The following MGMT variants were observed in gnomAD, a reference collection of about 807,000 sequenced individuals.
MGMT encodes methylated-DNA--protein-cysteine methyltransferase.
A neutral mutation model predicts 15.9 loss-of-function variants in MGMT; 14 were observed. That is an observed-to-expected ratio of 0.88 (90% CI 0.58 to 1.37). MGMT has a LOEUF of 1.37. MGMT is among the 40% of genes most tolerant of loss of function. The pLI is 0.00. For synonymous variants in MGMT, 130 were observed against 118.2 expected (o/e 1.10, Z -0.65); for missense variants, 282 against 268.1 (o/e 1.05, Z -0.36).
chr10:129,716,521 C>T (rs942752140), intron 3 of MGMT, among the ~76,000 whole-genome samples: 19 of 152,204 alleles, frequency 1.2e-4, no homozygotes, highest in African/African-American at 3.9e-4. Flanking sequence ...TCAGCCTTTC[C>T]TCACTTAGAT....
intron 2 of MGMT, among the ~76,000 whole-genome samples, chr10:129,650,704 C>T (rs147589873): frequency 4.8e-4 from 73 of 152,220 alleles, no homozygotes; most frequent in African/African-American, 1.8e-3. Context: ...TTGGTGTGGC[C>T]GTCTCCAAGT....
chr10:129,580,005 A>T (rs1846533339), intron 2 of MGMT, among the ~76,000 whole-genome samples: 1 of 152,194 alleles, frequency 6.6e-6, no homozygotes, highest in African/African-American at 2.4e-5. Context: ...TGGTACTGTC[A>T]GGTGCTTATT....
At chr10:129,474,119 G>A (rs1445769630) in intron 1 of MGMT, among the ~76,000 whole-genome samples, 2 of 152,214 alleles carry the variant, frequency 1.3e-5, no homozygotes, top group Non-Finnish European at 2.9e-5. Context: ...TTGAATTTGA[G>A]CAGGGTGTGG....
chr10:129,649,295 G>C (rs904397491), intron 2 of MGMT, among the ~76,000 whole-genome samples: 1 of 152,080 alleles, frequency 6.6e-6, no homozygotes, highest in Non-Finnish European at 1.5e-5. Context: ...GGCTTTAGCT[G>C]GACCACTTTT....
chr10:129,588,997 G>A (rs557731092), intron 2 of MGMT, among the ~76,000 whole-genome samples: 7 of 152,328 alleles, frequency 4.6e-5, no homozygotes, highest in Admixed American at 2.6e-4. Flanking sequence ...TTAGACCCTG[G>A]TGGTCTGGAT....
intron 2 of MGMT, among the ~76,000 whole-genome samples, chr10:129,605,841 C>G (rs1846883210): frequency 6.6e-6 from 1 of 151,994 alleles, no homozygotes; most frequent in African/African-American, 2.4e-5. Flanking sequence ...CCAAAAACAC[C>G]CGTTGTGCTG....
At position 129,767,310 on chromosome 10, in the gene MGMT, C is replaced by T. The variant is rs551157332; in HGVS notation, c.*313C>T. The stretch of plus-strand genomic sequence containing the variant: ...CAGTCTGGCACCCTCAGGCCACAGA[C>T]GGCTGCCATAGCCGCTGTCCAGGGC... On this transcript the variant is annotated 3_prime_UTR_variant, in exon 5 of 5. Transcript: ENST00000651593. The T allele has an allele frequency of 2.9e-4, 65 of 223,872 alleles. No homozygotes were observed. Among genetic ancestry groups the T allele is most frequent in the African/African-American group, 1.4e-3 (60 of 43,718 alleles). The allele number at this position is 223,872 out of a possible 1,614,324, so 13.9% of individuals were successfully genotyped here.
intron 2 of MGMT, among the ~76,000 whole-genome samples, chr10:129,614,301 C>T (rs984448197): frequency 6.6e-6 from 1 of 152,176 alleles, no homozygotes; most frequent in Non-Finnish European, 1.5e-5. Context: ...AGCCTATTTT[C>T]TTAGAGCAAA....
At chr10:129,553,753 G>C (rs1236178926) in intron 2 of MGMT, among the ~76,000 whole-genome samples, 1 of 152,178 alleles carries the variant, frequency 6.6e-6, no homozygotes, top group African/African-American at 2.4e-5. Context: ...TGGAGCATCA[G>C]GGTCACTTTC....
intron 2 of MGMT, among the ~76,000 whole-genome samples, chr10:129,550,784 C>T (rs1409599016): frequency 6.6e-6 from 1 of 152,174 alleles, no homozygotes; most frequent in East Asian, 1.9e-4. Flanking sequence ...AACTGAAACC[C>T]GTACCCATTA....
In MGMT at chr10:129,560,541, A is replaced by G. The variant is rs557029687; in HGVS notation, c.125+24164A>G. ...TTGACCCTGTTCTGCAAAACAAACC[A>G]TGGCCTACTTTCAGACTCTCCTTCG... is the stretch of plus-strand genomic sequence containing the variant. On this transcript the variant is annotated intron_variant, in intron 2 of 4. Transcript: ENST00000651593. Among the ~76,000 whole-genome samples the G allele has an allele frequency of 7.2e-5, 11 of 152,292 alleles. No homozygotes were observed. The East Asian group carries it at 1.4e-3, about 19-fold the overall frequency.
At chr10:129,752,544 C>T (rs1848761051) in intron 3 of MGMT, among the ~76,000 whole-genome samples, 1 of 151,324 alleles carries the variant, frequency 6.6e-6, no homozygotes, top group African/African-American at 2.4e-5. Flanking sequence ...CCTTTTTCTT[C>T]CTTCTTTTGG....
chr10:129,554,370 T>C (rs573935213), intron 2 of MGMT, among the ~76,000 whole-genome samples: 1 of 152,250 alleles, frequency 6.6e-6, no homozygotes, highest in African/African-American at 2.4e-5. Flanking sequence ...AAATCAGTTT[T>C]GAATTCTACT....
At chr10:129,468,261 G>A (rs535744709) in intron 1 of MGMT, among the ~76,000 whole-genome samples, 18 of 152,332 alleles carry the variant, frequency 1.2e-4, no homozygotes, top group Non-Finnish European at 2.5e-4. Context: ...CACTCTGGGA[G>A]ATGAACAAGA....
chr10:129,733,641 A>G (rs1398026036), intron 3 of MGMT, among the ~76,000 whole-genome samples: 4 of 152,178 alleles, frequency 2.6e-5, no homozygotes, highest in South Asian at 2.1e-4. Flanking sequence ...GCCCATGCCT[A>G]TGTCCTGAAT....
intron 2 of MGMT, among the ~76,000 whole-genome samples, chr10:129,666,996 A>G (rs1847666445): frequency 6.6e-6 from 1 of 152,238 alleles, no homozygotes. Flanking sequence ...TGACTGTCAT[A>G]TTGCCAAAAA....
intron 2 of MGMT, among the ~76,000 whole-genome samples, chr10:129,707,517 G>A (rs982950157): frequency 2.4e-4 from 36 of 152,162 alleles, no homozygotes; most frequent in African/African-American, 8.4e-4. Context: ...ACTCGGGGTG[G>A]GGTGGGCCGT....
chr10:129,642,227 G>A (rs532102340), intron 2 of MGMT, among the ~76,000 whole-genome samples: 2 of 152,260 alleles, frequency 1.3e-5, no homozygotes, highest in Non-Finnish European at 2.9e-5. Flanking sequence ...GCGGGCGGGC[G>A]TAGGGGGCAT....
chr10:129,725,647 T>C (rs1181986108), intron 3 of MGMT, among the ~76,000 whole-genome samples: 1 of 152,210 alleles, frequency 6.6e-6, no homozygotes, highest in East Asian at 1.9e-4. Context: ...GTCTGCCCAC[T>C]TCCTCGGAGG....
Sources: gnomAD v4.1 joint callset for allele counts (sites outside exome capture counted in the v4.1 genomes callset) on GRCh38, gnomAD v4.1.1 for gene constraint, MANE v1.5 for transcripts, NCBI Gene and HGNC (gene_info 2026-07-23, HGNC 2026-07-21) for gene names.